The following AP3B2 variants were observed in gnomAD, a reference collection of about 807,000 sequenced individuals.
AP3B2 encodes adaptor related protein complex 3 subunit beta 2, also known as AP-3 complex subunit beta-2.
Under a neutral mutation model 126.9 loss-of-function variants are expected in AP3B2, and 50 were observed. The observed-to-expected ratio is 0.39, with a 90% CI of 0.31 to 0.50. The LOEUF is 0.50. AP3B2 is among the 20% of genes least tolerant of loss of function. The pLI is 0.79. For missense variants in AP3B2, 1,177 were observed against 1,426.4 expected, an observed-to-expected ratio of 0.83 and a Z score of 2.82; for synonymous variants, 541 against 565.0, an observed-to-expected ratio of 0.96 and a Z score of 0.60.
At chr15:82,666,379 C>G (rs144019576) in intron 15 of AP3B2, among the ~76,000 whole-genome samples, 2 of 152,240 alleles carry the variant, frequency 1.3e-5, no homozygotes, top group Non-Finnish European at 2.9e-5. Context: ...AAATATACAC[C>G]TCTCCTTTGT....
At chr15:82,694,260 C>T (rs1255700752) in intron 1 of AP3B2, among the ~76,000 whole-genome samples, 2 of 152,108 alleles carry the variant, frequency 1.3e-5, no homozygotes, top group African/African-American at 4.8e-5. Context: ...CTCCTTCGGC[C>T]TCCCAAAGTG....
intron 1 of AP3B2, among the ~76,000 whole-genome samples, chr15:82,695,096 T>C (rs2048611265): frequency 1.4e-5 from 1 of 73,138 alleles, no homozygotes; most frequent in South Asian, 3.0e-4. Context: ...TCTTTCTTTC[T>C]TTTTTTTTTT....
intron 1 of AP3B2, chr15:82,691,913 T>A: frequency 7.7e-7 from 1 of 1,293,998 alleles, no homozygotes; most frequent in East Asian, 2.3e-5. Context: ...CAGGGCATAT[T>A]CCATGTCTTC....
chr15:82,701,926 T>C (rs984146052), intron 1 of AP3B2, among the ~76,000 whole-genome samples: 7 of 152,174 alleles, frequency 4.6e-5, no homozygotes, highest in Non-Finnish European at 1.0e-4. Flanking sequence ...TTTTCCTTGT[T>C]TGATTTGACC....
At chr15:82,677,050 C>T (rs556753104) in intron 13 of AP3B2, among the ~76,000 whole-genome samples, 1 of 152,276 alleles carries the variant, frequency 6.6e-6, no homozygotes, top group South Asian at 2.1e-4. Context: ...AGAGAGAAAA[C>T]AAGAGTAGTA....
chr15:82,687,126 T>G (rs889921633), intron 4 of AP3B2: 11 of 152,172 alleles, frequency 7.2e-5, no homozygotes, highest in African/African-American at 2.4e-4. Context: ...GCAAGTTGCC[T>G]TATGAAGGAG....
chr15:82,686,306 C>T (rs1434868142), intron 4 of AP3B2: 1 of 152,134 alleles, frequency 6.6e-6, no homozygotes, highest in Non-Finnish European at 1.5e-5. Flanking sequence ...TGAACACGGC[C>T]CTAGCCTGGG....
chr15:82,671,916 C>A (rs1024638842), intron 14 of AP3B2, among the ~76,000 whole-genome samples: 1 of 151,982 alleles, frequency 6.6e-6, no homozygotes, highest in Middle Eastern at 3.4e-3. Flanking sequence ...TGGTGGCGGG[C>A]GCCTGTAATC....
chr15:82,703,559 T>C (rs1257390057), intron 1 of AP3B2, among the ~76,000 whole-genome samples: 7 of 152,154 alleles, frequency 4.6e-5, no homozygotes, highest in Non-Finnish European at 5.9e-5. Flanking sequence ...TGCCTTATTT[T>C]CTTTGCAATG....
intron 11 of AP3B2, 67 bp from the exon 12 acceptor site, chr15:82,677,870 G>C: frequency 6.6e-7 from 1 of 1,515,198 alleles, no homozygotes; most frequent in Non-Finnish European, 8.9e-7. Context: ...CAAGAAGGCT[G>C]TGGCCTTTCA....
At chr15:82,667,495 G>A (rs952814834) in intron 14 of AP3B2, among the ~76,000 whole-genome samples, 1 of 152,260 alleles carries the variant, frequency 6.6e-6, no homozygotes, top group African/African-American at 2.4e-5. Flanking sequence ...AATGACATCA[G>A]GGCAAACTGC....
intron 14 of AP3B2, among the ~76,000 whole-genome samples, chr15:82,668,625 G>A (rs2048097222): frequency 2.6e-5 from 4 of 152,090 alleles, no homozygotes; most frequent in Admixed American, 2.6e-4. Flanking sequence ...ACAGGAAGGG[G>A]CTGGCCCACC....
intron 1 of AP3B2, among the ~76,000 whole-genome samples, chr15:82,696,311 C>T (rs1358233255): frequency 2.6e-5 from 4 of 152,160 alleles, no homozygotes; most frequent in Non-Finnish European, 5.9e-5. Context: ...GGTGTGGTGG[C>T]TCACGCTTGT....
chr15:82,692,103 A>T, intron 1 of AP3B2: 1 of 1,494,990 alleles, frequency 6.7e-7, no homozygotes, highest in South Asian at 1.1e-5. Flanking sequence ...GGGGCCACCC[A>T]CCCCGACTTC....
At position 82,709,753 on chromosome 15, in the gene AP3B2, G is replaced by A. The variant is rs769953810; in HGVS notation, c.-47C>T. On this transcript the variant is annotated 5_prime_UTR_variant, in exon 1 of 27. Coordinates refer to ENST00000535359, the MANE Select transcript of AP3B2 (RefSeq NM_001278512.2). ...CCGAGGAGGAGGTTGCGGGGCCGGA[G>A]GCCGGCTGGAGCGGAGGAAGGGAAG... 3 of 1,406,894 alleles carry A rather than the reference G, an allele frequency of 2.1e-6. No individual in the cohort carries two copies. In the South Asian group the frequency reaches 4.1e-5, roughly 19 times the overall value. The allele number at this position is 1,406,894 out of a possible 1,614,324, so 87.2% of individuals were successfully genotyped here. A position where few individuals can be genotyped will look rare whatever the true frequency, so the allele number is the denominator to read the frequency against.
At position 82,659,549 on chromosome 15, in the gene AP3B2, G is replaced by T. The variant is rs764524414; in HGVS notation, c.*11C>A. ...ATAGATGGGAGCCAAACAGGTCACA[G>T]CATTTGGAAGTCACTGGGTCAGAGC... On this transcript the variant is annotated 3_prime_UTR_variant, in exon 27 of 27. Coordinates refer to ENST00000535359, the MANE Select transcript of AP3B2 (RefSeq NM_001278512.2). 30 of 1,613,394 alleles carry T rather than the reference G, an allele frequency of 1.9e-5. No homozygotes were observed. Among genetic ancestry groups the T allele is most frequent in the Non-Finnish European group, 2.3e-5 (27 of 1,179,634 alleles).
intron 14 of AP3B2, among the ~76,000 whole-genome samples, chr15:82,669,563 A>C (rs1291330029): frequency 6.6e-6 from 1 of 151,956 alleles, no homozygotes; most frequent in Admixed American, 6.6e-5. Context: ...GTGGTGATGC[A>C]CACCTGTAGT....
chr15:82,692,176 A>G, intron 1 of AP3B2: 1 of 1,470,224 alleles, frequency 6.8e-7, no homozygotes, highest in East Asian at 2.4e-5. Context: ...TTTCTTCCAT[A>G]AATAGCATCC....
chr15:82,692,074 G>A, intron 1 of AP3B2: 1 of 1,492,210 alleles, frequency 6.7e-7, no homozygotes, highest in Non-Finnish European at 9.3e-7. Context: ...TCTTGCAGAA[G>A]GCCCATTCCT....
Sources: gnomAD v4.1 joint callset for allele counts (sites outside exome capture counted in the v4.1 genomes callset) on GRCh38, gnomAD v4.1.1 for gene constraint, MANE v1.5 for transcripts, NCBI Gene and HGNC (gene_info 2026-07-23, HGNC 2026-07-21) for gene names.